Variants in RBM44 observed in about 807,000 individuals in gnomAD.
RBM44 encodes the protein RNA binding motif protein 44, also known as RNA-binding protein 44.
In RBM44, 66 loss-of-function variants were observed where a neutral mutation model predicts 105.1. That is an observed-to-expected ratio of 0.63 (90% CI 0.52 to 0.77). The LOEUF (loss-of-function observed/expected upper bound fraction) is 0.77, where lower values mean the gene tolerates loss of function less well. Among genes scored for constraint, RBM44 ranks in the 30% least tolerant of loss-of-function variants. RBM44 has a pLI of 0.00. For missense variants in RBM44, 1,122 were observed against 1,207.8 expected (o/e 0.93, Z 1.05); for synonymous variants, 365 against 417.6 (o/e 0.87, Z 1.54).
At chr2:237,821,931 T>C in intron 8 of RBM44, 104 bp downstream of exon 8, 1 of 723,384 alleles carries the variant, frequency 1.4e-6, no homozygotes, top group East Asian at 2.7e-5. Context: ...TTCACTCAAC[T>C]GGCTTACTTT....
At chr2:237,832,166 T>G (rs2061910497) in intron 13 of RBM44, among the ~76,000 whole-genome samples, 1 of 151,794 alleles carries the variant, frequency 6.6e-6, no homozygotes, top group Non-Finnish European at 1.5e-5. Flanking sequence ...CTTTTTTTTT[T>G]TTTTTTGAGA....
chr2:237,822,709 G>A (rs972263667), intron 8 of RBM44, among the ~76,000 whole-genome samples: 6 of 151,814 alleles, frequency 4.0e-5, no homozygotes, highest in Admixed American at 1.3e-4. Flanking sequence ...GTTTATTTAG[G>A]GAGAACAATA....
At chr2:237,816,032 C>A (rs1463483683) in intron 2 of RBM44, among the ~76,000 whole-genome samples, 1 of 152,158 alleles carries the variant, frequency 6.6e-6, no homozygotes, top group Admixed American at 6.6e-5. Context: ...TAATTCCTGT[C>A]ATACTCGTAA....
rs765430659 is a variant in RBM44 at position 237,817,584 on chromosome 2, C to T, written c.665C>T (p.Ser222Leu). Reference sequence around the variant, plus strand: ...CCAGAAGTTGTTGAATTAGGAAATTCGGGTTATGAAGTTAAATGTGCTAGC... The same window carrying T: ...CCAGAAGTTGTTGAATTAGGAAATTTGGGTTATGAAGTTAAATGTGCTAGC... ...SNPEVVELGN[S>L]GYEVKCASNV... Residue 222 changes from serine (S) to leucine (L), a missense_variant, in exon 3 of 16, where the codon TCG (serine) becomes TTG (leucine). By Grantham distance (145) the Ser-to-Leu change is moderately radical. Coordinates refer to ENST00000316997, the MANE Select transcript of RBM44 (RefSeq NM_001080504.3). 29 of 1,612,388 alleles carry T rather than the reference C, an allele frequency of 1.8e-5. No homozygotes were observed. The highest frequency in any genetic ancestry group is 3.3e-4 in the Middle Eastern group (2 of 6,070).
intron 10 of RBM44, 93 bp downstream of exon 10, chr2:237,824,512 G>T: frequency 1.0e-6 from 1 of 971,394 alleles, no homozygotes; most frequent in South Asian, 2.2e-5. Context: ...CAACTGAGTT[G>T]TTTTAATATT....
intron 9 of RBM44, 26 bp from the exon 10 acceptor site, chr2:237,824,264 CA>C (rs778987904): frequency 1.4e-5 from 22 of 1,610,058 alleles, no homozygotes; most frequent in Non-Finnish European, 1.8e-5. Context: ...ACGTGTCATT[CA>C]TAGCTCACTG....
rs570045853 is a variant in RBM44 at position 237,807,135 on chromosome 2, G to A, written c.-18-6457G>A. 2.9e-3 allele frequency among the ~76,000 whole-genome samples: 437 copies of A among 152,018 alleles called. 5 individuals are homozygous for A. The highest frequency in any genetic ancestry group is 0.014 in the South Asian group (68 of 4,804). The stretch of plus-strand genomic sequence containing the variant: ...AATTCAGGCCTCTTATTCACTGAAG[G>A]CAATTTAAACACCTAGGGAAAAAAA... On this transcript the variant is annotated intron_variant, in intron 1 of 15. Coordinates refer to ENST00000316997, the MANE Select transcript of RBM44 (RefSeq NM_001080504.3).
At position 237,833,983 on chromosome 2, in the gene RBM44, A is replaced by G; in HGVS notation, c.2887-14A>G. 2 of 1,471,340 alleles carry G rather than the reference A, an allele frequency of 1.4e-6. No individual in the cohort carries two copies. The highest frequency in any genetic ancestry group is 1.4e-5 in the African/African-American group (1 of 71,764). The allele number at this position is 1,471,340 out of a possible 1,614,324, so 91.1% of individuals were successfully genotyped here. ...CTTACTGATTTTAAGAAAACTTTTTAAATGCTTATTTAGGGTGTCAAGAAG... is the reference window on the plus strand; with the variant it reads ...CTTACTGATTTTAAGAAAACTTTTTGAATGCTTATTTAGGGTGTCAAGAAG... On this transcript the variant is annotated splice_polypyrimidine_tract_variant and intron_variant, in intron 13 of 15. Coordinates refer to ENST00000316997, the MANE Select transcript of RBM44 (RefSeq NM_001080504.3).
intron 1 of RBM44, among the ~76,000 whole-genome samples, chr2:237,799,955 G>A (rs753213463): frequency 5.3e-5 from 8 of 152,006 alleles, no homozygotes; most frequent in Non-Finnish European, 1.2e-4. Context: ...GAAATAGTTC[G>A]GTAAGTGAGA....
At chr2:237,829,566 T>C in intron 13 of RBM44, 64 bp downstream of exon 13, 2 of 1,377,546 alleles carry the variant, frequency 1.5e-6, no homozygotes, top group Non-Finnish European at 2.0e-6. Context: ...AGTAGCTTTG[T>C]AGAATAAATA....
intron 1 of RBM44, 133 bp from the exon 2 acceptor site, chr2:237,813,459 G>T: frequency 2.0e-6 from 1 of 500,382 alleles, no homozygotes; most frequent in Non-Finnish European, 3.6e-6. Flanking sequence ...ACTTCTTTTA[G>T]TGACCTAATG....
chr2:237,823,581 A>G (rs1479560143), intron 9 of RBM44, 27 bp downstream of exon 9: 2 of 1,024,508 alleles, frequency 2.0e-6, no homozygotes, highest in Non-Finnish European at 3.0e-6. Context: ...GTTATCTTGT[A>G]TAGTTGCTGG....
intron 2 of RBM44, among the ~76,000 whole-genome samples, 152 bp downstream of exon 2, chr2:237,813,834 C>T (rs561699310): frequency 6.6e-6 from 1 of 152,076 alleles, no homozygotes; most frequent in Non-Finnish European, 1.5e-5. Flanking sequence ...CAAATTGACT[C>T]AGGTGATTTT....
intron 1 of RBM44, among the ~76,000 whole-genome samples, chr2:237,807,877 G>C (rs990307495): frequency 6.6e-6 from 1 of 152,166 alleles, no homozygotes; most frequent in African/African-American, 2.4e-5. Flanking sequence ...CCTAGAAGTA[G>C]CAAACAAGTT....
chr2:237,839,946 A>G (rs1460101157), intron 15 of RBM44, among the ~76,000 whole-genome samples: 3 of 152,174 alleles, frequency 2.0e-5, no homozygotes, highest in South Asian at 2.1e-4. Flanking sequence ...AGTAATCCCA[A>G]CACTTTGGGA....
chr2:237,817,749 A>AG lies in RBM44; in HGVS notation c.831dup (p.His278AlafsTer2), dbSNP rs2061736063. ...ATGTTAAGAGAATATCATGACCTAA[A>AG]GCATGAAAAGTATAAGGAACAAGAG... On this transcript the variant is annotated frameshift_variant, in exon 3 of 16. Transcript: ENST00000316997. LOFTEE classifies it high-confidence loss of function. The AG allele has an allele frequency of 6.2e-7, 1 of 1,611,962 alleles. No individual in the cohort carries two copies. The highest frequency in any genetic ancestry group is 1.1e-5 in the South Asian group (1 of 90,970).
At chr2:237,812,299 C>G (rs544196196) in intron 1 of RBM44, among the ~76,000 whole-genome samples, 1 of 152,130 alleles carries the variant, frequency 6.6e-6, no homozygotes, top group East Asian at 1.9e-4. Context: ...TAGTTCTTTC[C>G]TAGATTCTTG....
At position 237,805,751 on chromosome 2, in the gene RBM44, G is replaced by A. The variant is rs142746376; in HGVS notation, c.-19+6890G>A. ...AGGCCAAGGCGGGAGGATTGCTTGG[G>A]CCCAGGAGTTTGAGACCCGCCTGGA... On this transcript the variant is annotated intron_variant, in intron 1 of 15. Coordinates refer to ENST00000316997, the MANE Select transcript of RBM44 (RefSeq NM_001080504.3). 7.3e-3 allele frequency among the ~76,000 whole-genome samples: 1,119 copies of A among 152,298 alleles called. 9 individuals carry two copies. The highest frequency in any genetic ancestry group is 0.012 in the Non-Finnish European group (827 of 68,024).
At chr2:237,819,398 A>C (rs1476886112) in intron 4 of RBM44, among the ~76,000 whole-genome samples, 1 of 152,102 alleles carries the variant, frequency 6.6e-6, no homozygotes, top group Admixed American at 6.6e-5. Flanking sequence ...AATTCAGAAC[A>C]CAGTGGAGAA....
Sources: gnomAD v4.1 joint callset for allele counts (sites outside exome capture counted in the v4.1 genomes callset) on GRCh38, gnomAD v4.1.1 for gene constraint, MANE v1.5 for transcripts, NCBI Gene and HGNC (gene_info 2026-07-23, HGNC 2026-07-21) for gene names.